CDC42EP3: variants seen among roughly 807,000 people sequenced by gnomAD.
CDC42EP3 encodes the protein CDC42 effector protein 3, also known as CDC42 effector protein (Rho GTPase binding) 3.
In CDC42EP3, 4 loss-of-function variants were observed where a neutral mutation model predicts 15.5. The ratio of observed to expected loss-of-function variants is 0.26; its 90% CI spans 0.13 to 0.59. The LOEUF is 0.59. Ranked by LOEUF, CDC42EP3 falls within the 20% of genes least tolerant of loss-of-function variation. The probability of loss-of-function intolerance (pLI) is 0.89; values close to 1 mark genes in which losing one functional copy is unlikely to be tolerated. For missense variants in CDC42EP3, 309 were observed against 311.2 expected, an observed-to-expected ratio of 0.99 and a Z score of 0.05; for synonymous variants, 145 against 130.3, an observed-to-expected ratio of 1.11 and a Z score of -0.77.
At position 37,653,200 on chromosome 2, in the gene CDC42EP3, A is replaced by C. The variant is rs189986039; in HGVS notation, c.-235-6378T>G. On this transcript the variant is annotated intron_variant, in intron 1 of 1. Transcript: ENST00000295324. Reference sequence around the variant, plus strand: ...CCAGCTTGCCAGTCAGTCATGTGGCAGGTCAGAGAGAACACATGTGGCAGG... The same window carrying C: ...CCAGCTTGCCAGTCAGTCATGTGGCCGGTCAGAGAGAACACATGTGGCAGG... Among the ~76,000 whole-genome samples the C allele has an allele frequency of 7.2e-5, 11 of 152,340 alleles. No homozygotes were observed. In the East Asian group the frequency reaches 2.1e-3, roughly 29 times the overall value.
chr2:37,651,662 C>T (rs539436075), intron 1 of CDC42EP3, among the ~76,000 whole-genome samples: 31 of 152,180 alleles, frequency 2.0e-4, no homozygotes, highest in African/African-American at 6.0e-4. Context: ...CATTTGTAGT[C>T]GGAAAGGAAA....
chr2:37,666,004 A>G (rs148833019), intron 1 of CDC42EP3, among the ~76,000 whole-genome samples: 77 of 152,258 alleles, frequency 5.1e-4, no homozygotes, highest in African/African-American at 1.6e-3. Context: ...TTTAATCTCT[A>G]TTTCTACACA....
chr2:37,645,926 T>G lies in CDC42EP3; in HGVS notation c.662A>C (p.Glu221Ala), dbSNP rs200264774. ...CELIKGKTKS[E>A]ESLSDLTGSL... ...ACCTGTAAGGTCAGAGAGGGACTCC[T>G]CTGACTTAGTCTTTCCCTTGATGAG... Residue 221 changes from glutamate to alanine, a missense_variant, in exon 2 of 2, where the codon GAG (glutamate) becomes GCG (alanine). Transcript: ENST00000295324. The G allele has an allele frequency of 6.8e-6, 11 of 1,613,622 alleles. No individual in the cohort carries two copies. Among genetic ancestry groups the G allele is most frequent in the Non-Finnish European group, 9.3e-6 (11 of 1,179,792 alleles).
intron 1 of CDC42EP3, among the ~76,000 whole-genome samples, chr2:37,648,624 G>T (rs1665560329): frequency 6.6e-6 from 1 of 152,226 alleles, no homozygotes; most frequent in Admixed American, 6.5e-5. Flanking sequence ...GTACGAGGAG[G>T]TTTGCATTCA....
chr2:37,652,514 C>A (rs1277145143), intron 1 of CDC42EP3, among the ~76,000 whole-genome samples: 1 of 152,150 alleles, frequency 6.6e-6, no homozygotes, highest in Non-Finnish European at 1.5e-5. Context: ...GGGCACTGAG[C>A]CATCTGAGGG....
At chr2:37,651,505 A>G (rs1665675479) in intron 1 of CDC42EP3, among the ~76,000 whole-genome samples, 1 of 152,236 alleles carries the variant, frequency 6.6e-6, no homozygotes, top group South Asian at 2.1e-4. Context: ...GTGTGTGGGT[A>G]TATGAAGACT....
chr2:37,646,548 T>C lies in CDC42EP3; in HGVS notation c.40A>G (p.Asn14Asp), dbSNP rs1665485466. 4 of 1,559,784 alleles carry C rather than the reference T, an allele frequency of 2.6e-6. No homozygotes were observed. Among genetic ancestry groups the C allele is most frequent in the Non-Finnish European group, 3.5e-6 (4 of 1,155,560 alleles). ...KTPIYLKAAN[N>D]KKGKKFKLRD... Reference sequence around the variant, plus strand: ...AGTTTAAATTTCTTTCCTTTCTTGTTATTGGCTGCTTTCAGGTAAATTGGG... The same window carrying C: ...AGTTTAAATTTCTTTCCTTTCTTGTCATTGGCTGCTTTCAGGTAAATTGGG... The change falls in exon 2 of 2, where the codon AAC (asparagine) becomes GAC (aspartate). Residue 14 changes from asparagine to aspartate, a missense_variant. Coordinates refer to ENST00000295324, the MANE Select transcript of CDC42EP3 (RefSeq NM_006449.5).
intron 1 of CDC42EP3, among the ~76,000 whole-genome samples, chr2:37,670,451 C>T (rs972884285): frequency 1.3e-5 from 2 of 151,984 alleles, no homozygotes; most frequent in Non-Finnish European, 2.9e-5. Flanking sequence ...GTTGCAATAC[C>T]CTCCTGACAT....
chr2:37,669,104 CAATAAT>C (rs201597407), intron 1 of CDC42EP3, among the ~76,000 whole-genome samples: 4 of 151,466 alleles, frequency 2.6e-5, no homozygotes, highest in African/African-American at 9.7e-5. Flanking sequence ...ATCTGAATAA[CAATAAT>C]AATAATAATA....
rs1010187340 is a variant in CDC42EP3, at chr2:37,645,148, C to G, written c.*675G>C. 16 of 152,528 alleles carry G rather than the reference C, an allele frequency of 1.0e-4. No homozygotes were observed. The highest frequency in any genetic ancestry group is 2.4e-4 in the Non-Finnish European group (16 of 68,036). 9.4% of individuals were successfully genotyped at this position (152,528 alleles called of 1,614,324 possible). A position where few individuals can be genotyped will look rare whatever the true frequency, so the allele number is the denominator to read the frequency against. On this transcript the variant is annotated 3_prime_UTR_variant, in exon 2 of 2. Coordinates refer to ENST00000295324, the MANE Select transcript of CDC42EP3 (RefSeq NM_006449.5). ...ATGTAGAATCTATAAAATGTAGACT[C>G]TGCAATAAAAAGCCAAAGGCACGTA... is the stretch of plus-strand genomic sequence containing the variant.
At chr2:37,648,231 T>C (rs1192867771) in intron 1 of CDC42EP3, among the ~76,000 whole-genome samples, 3 of 152,248 alleles carry the variant, frequency 2.0e-5, no homozygotes, top group Non-Finnish European at 4.4e-5. Flanking sequence ...CTGCAGGAAC[T>C]TCCCAAATGG....
rs150140875 is a variant in CDC42EP3 at position 37,643,757 on chromosome 2, G to C, written c.*2066C>G. On this transcript the variant is annotated 3_prime_UTR_variant, in exon 2 of 2. Transcript: ENST00000295324. ...AATAATGAGATACATTGGACTCTTC[G>C]TCATTAACAAGATTTAGAATAGGCT... 5.9e-5 allele frequency: 9 copies of C among 152,286 alleles called. No individual in the cohort carries two copies. Among genetic ancestry groups the C allele is most frequent in the Admixed American group, 3.9e-4 (6 of 15,292 alleles). The allele number at this position is 152,286 out of a possible 1,614,324, so 9.4% of individuals were successfully genotyped here. A position where few individuals can be genotyped will look rare whatever the true frequency, so the allele number is the denominator to read the frequency against.
intron 1 of CDC42EP3, among the ~76,000 whole-genome samples, chr2:37,666,403 A>G (rs1269348346): frequency 6.6e-6 from 1 of 152,236 alleles, no homozygotes; most frequent in Non-Finnish European, 1.5e-5. Flanking sequence ...GGTACACTTT[A>G]GGCGGTACCC....
At chr2:37,663,249 T>C (rs1339635542) in intron 1 of CDC42EP3, among the ~76,000 whole-genome samples, 1 of 152,196 alleles carries the variant, frequency 6.6e-6, no homozygotes, top group Non-Finnish European at 1.5e-5. Flanking sequence ...TGGTCCCTCA[T>C]GTGTTCAACA....
In CDC42EP3 at chr2:37,642,297, G is replaced by T. The variant is rs971072307; in HGVS notation, c.*3526C>A. On this transcript the variant is annotated 3_prime_UTR_variant, in exon 2 of 2. Coordinates refer to ENST00000295324, the MANE Select transcript of CDC42EP3 (RefSeq NM_006449.5). ...AGTTAACGTCGTGTGAATAATTTTG[G>T]GTATTCTGGCCTTCCTGAATCTCAT... 1.3e-5 allele frequency: 2 copies of T among 152,146 alleles called. No individual in the cohort carries two copies. Among genetic ancestry groups the T allele is most frequent in the Non-Finnish European group, 2.9e-5 (2 of 68,020 alleles). 9.4% of individuals were successfully genotyped at this position (152,146 alleles called of 1,614,324 possible).
chr2:37,664,983 G>T (rs1172653866), intron 1 of CDC42EP3, among the ~76,000 whole-genome samples: 2 of 152,080 alleles, frequency 1.3e-5, no homozygotes, highest in Admixed American at 6.5e-5. Flanking sequence ...CCTAGGTGAT[G>T]AAATGATCTG....
At chr2:37,653,215 C>T (rs1665743645) in intron 1 of CDC42EP3, among the ~76,000 whole-genome samples, 1 of 152,146 alleles carries the variant, frequency 6.6e-6, no homozygotes, top group Non-Finnish European at 1.5e-5. Flanking sequence ...AGAGAGAACA[C>T]ATGTGGCAGG....
At position 37,643,079 on chromosome 2, in the gene CDC42EP3, T is replaced by C. The variant is rs1665320579; in HGVS notation, c.*2744A>G. ...GTCTCTACTTATACAAATGGCATGGTTTCTTTTCTGGTTACTGGGTCACAG... is the reference window on the plus strand; with the variant it reads ...GTCTCTACTTATACAAATGGCATGGCTTCTTTTCTGGTTACTGGGTCACAG... On this transcript the variant is annotated 3_prime_UTR_variant, in exon 2 of 2. Transcript: ENST00000295324. The C allele has an allele frequency of 6.6e-6, 1 of 152,232 alleles. No homozygotes were observed. The highest frequency in any genetic ancestry group is 2.4e-5 in the African/African-American group (1 of 41,462). 9.4% of individuals were successfully genotyped at this position (152,232 alleles called of 1,614,324 possible). A position where few individuals can be genotyped will look rare whatever the true frequency, so the allele number is the denominator to read the frequency against.
At chr2:37,662,719 T>G (rs1666103994) in intron 1 of CDC42EP3, among the ~76,000 whole-genome samples, 1 of 152,072 alleles carries the variant, frequency 6.6e-6, no homozygotes, top group South Asian at 2.1e-4. Flanking sequence ...TACACTAAAC[T>G]TAATAGAAGG....
Sources: gnomAD v4.1 joint callset for allele counts (sites outside exome capture counted in the v4.1 genomes callset) on GRCh38, gnomAD v4.1.1 for gene constraint, MANE v1.5 for transcripts, NCBI Gene and HGNC (gene_info 2026-07-23, HGNC 2026-07-21) for gene names.